Variants in GTF2F2 observed in about 807,000 individuals in gnomAD.
GTF2F2 encodes the protein ATP-dependent helicase GTF2F2.
A neutral mutation model predicts 42.2 loss-of-function variants in GTF2F2; 23 were observed. That is an observed-to-expected ratio of 0.55 (90% CI 0.39 to 0.77). The LOEUF is 0.77. Ranked by LOEUF, GTF2F2 falls within the 30% of genes least tolerant of loss-of-function variation. The pLI, the probability that GTF2F2 is intolerant of heterozygous loss-of-function variation, is 0.00. For synonymous variants in GTF2F2, 105 were observed against 100.8 expected (o/e 1.04, Z -0.25); for missense variants, 261 against 287.2 (o/e 0.91, Z 0.66).
chr13:45,264,867 T>G (rs1001205392), intron 6 of GTF2F2, among the ~76,000 whole-genome samples: 1 of 152,194 alleles, frequency 6.6e-6, no homozygotes, highest in East Asian at 1.9e-4. Flanking sequence ...ACATTTTTCA[T>G]GTTAAACTTC....
At chr13:45,175,979 T>G (rs767542801) in intron 4 of GTF2F2, among the ~76,000 whole-genome samples, 7 of 152,218 alleles carry the variant, frequency 4.6e-5, no homozygotes, top group Non-Finnish European at 1.0e-4. Context: ...TTCCTGTTAG[T>G]ATAGATTTTA....
intron 7 of GTF2F2, among the ~76,000 whole-genome samples, chr13:45,271,260 C>T (rs1469026282): frequency 1.3e-5 from 2 of 151,134 alleles, no homozygotes; most frequent in African/African-American, 2.4e-5. Flanking sequence ...CACTGCACTC[C>T]AGCCTGAGCG....
At chr13:45,210,536 T>C (rs551790260) in intron 5 of GTF2F2, among the ~76,000 whole-genome samples, 1 of 152,350 alleles carries the variant, frequency 6.6e-6, no homozygotes, top group Admixed American at 6.5e-5. Flanking sequence ...AGTTTACTTA[T>C]ATTTATTGCC....
chr13:45,266,732 A>G (rs1876575908), intron 6 of GTF2F2, among the ~76,000 whole-genome samples: 1 of 152,234 alleles, frequency 6.6e-6, no homozygotes, highest in African/African-American at 2.4e-5. Context: ...GACTGGAATT[A>G]TTACTAACTT....
intron 4 of GTF2F2, chr13:45,193,845 G>A (rs764757723): frequency 2.5e-6 from 4 of 1,613,646 alleles, no homozygotes; most frequent in African/African-American, 1.3e-5. Flanking sequence ...AACAATCCAG[G>A]CTGGTCAGCA....
intron 4 of GTF2F2, 122 bp from the exon 5 acceptor site, chr13:45,207,302 A>AT (rs1873456012): frequency 7.9e-6 from 5 of 634,844 alleles, no homozygotes; most frequent in Non-Finnish European, 1.4e-5. Flanking sequence ...AAACTTAACT[A>AT]TTTTTTCTTG....
chr13:45,268,057 C>T (rs1416036368), intron 7 of GTF2F2, among the ~76,000 whole-genome samples: 1 of 152,076 alleles, frequency 6.6e-6, no homozygotes, highest in Non-Finnish European at 1.5e-5. Flanking sequence ...ATGATGATAA[C>T]AATAAGAAAT....
intron 4 of GTF2F2, among the ~76,000 whole-genome samples, chr13:45,152,172 C>T (rs1381245634): frequency 6.6e-6 from 1 of 152,188 alleles, no homozygotes; most frequent in African/African-American, 2.4e-5. Context: ...ACCTTGGCCT[C>T]CCAAAGTGCT....
intron 5 of GTF2F2, among the ~76,000 whole-genome samples, chr13:45,212,521 T>TCA (rs1873725090): frequency 8.4e-6 from 1 of 118,896 alleles, no homozygotes; most frequent in African/African-American, 3.2e-5. Context: ...TCTTTCTTTC[T>TCA]CTTTCTCTCT....
At chr13:45,206,648 A>G (rs1353307360) in intron 4 of GTF2F2, 1 of 152,198 alleles carries the variant, frequency 6.6e-6, no homozygotes, top group Non-Finnish European at 1.5e-5. Context: ...GTATTATACA[A>G]TAAGGTAAGG....
rs1301292981 is a variant in GTF2F2, at chr13:45,246,993, A to G, written c.387-5878A>G. ...GCGGAGCTTGCAGTGAGCCGAGATA[A>G]GCGCCACTGCACTCCAGCCTGGGCG... On this transcript the variant is annotated intron_variant, in intron 5 of 7. Coordinates refer to ENST00000340473, the MANE Select transcript of GTF2F2 (RefSeq NM_004128.3). Among the ~76,000 whole-genome samples the G allele has an allele frequency of 3.3e-5, 5 of 150,228 alleles. No individual in the cohort carries two copies. In the East Asian group the frequency reaches 9.9e-4, roughly 30 times the overall value.
At chr13:45,153,361 A>G (rs1870595582) in intron 4 of GTF2F2, among the ~76,000 whole-genome samples, 1 of 152,110 alleles carries the variant, frequency 6.6e-6, no homozygotes. Context: ...GCTACATAAA[A>G]TGATCTAAAA....
intron 4 of GTF2F2, chr13:45,206,381 C>T (rs1210620475): frequency 1.3e-5 from 2 of 152,162 alleles, no homozygotes; most frequent in Non-Finnish European, 2.9e-5. Flanking sequence ...TTCTTGAAAA[C>T]AGTACTGTGT....
At chr13:45,253,369 T>A (rs576470082) in intron 6 of GTF2F2, among the ~76,000 whole-genome samples, 25 of 152,296 alleles carry the variant, frequency 1.6e-4, no homozygotes, top group Non-Finnish European at 2.8e-4. Flanking sequence ...TTTAATGTGT[T>A]AAAAAATTTT....
At chr13:45,221,302 A>T (rs1593499123) in intron 5 of GTF2F2, among the ~76,000 whole-genome samples, 1 of 152,078 alleles carries the variant, frequency 6.6e-6, no homozygotes, top group Non-Finnish European at 1.5e-5. Flanking sequence ...AACACAATAC[A>T]CCCTGAATCC....
At chr13:45,223,426 G>A (rs996010452) in intron 5 of GTF2F2, among the ~76,000 whole-genome samples, 1 of 152,012 alleles carries the variant, frequency 6.6e-6, no homozygotes, top group Non-Finnish European at 1.5e-5. Flanking sequence ...AATCCTGTCG[G>A]GTACGCACAC....
intron 4 of GTF2F2, among the ~76,000 whole-genome samples, chr13:45,186,935 A>G (rs1479868884): frequency 6.6e-6 from 1 of 152,218 alleles, no homozygotes; most frequent in Non-Finnish European, 1.5e-5. Flanking sequence ...TTAAAAAGGA[A>G]TTTTCAAAAA....
At chr13:45,188,448 G>C (rs1353020075) in intron 4 of GTF2F2, among the ~76,000 whole-genome samples, 1 of 152,150 alleles carries the variant, frequency 6.6e-6, no homozygotes, top group Non-Finnish European at 1.5e-5. Flanking sequence ...TAAGTAGAAA[G>C]CCTAATTAAT....
rs759162187 is a variant in GTF2F2 at position 45,267,307 on chromosome 13, A to G, written c.561A>G (p.Leu187=). Reference sequence around the variant, plus strand: ...ATAAACAACATGTTTTAGACATGCTATTTTCAGCCTTTGAGAAACATCAAT... The same window carrying G: ...ATAAACAACATGTTTTAGACATGCTGTTTTCAGCCTTTGAGAAACATCAAT... ...RADKQHVLDM[L]FSAFEKHQYY... is the part of the protein sequence containing the mutation. The change falls in exon 7 of 8, where the codon CTA becomes CTG. Residue 187 remains leucine, a synonymous_variant. Coordinates refer to ENST00000340473, the MANE Select transcript of GTF2F2 (RefSeq NM_004128.3). 4 of 1,610,596 alleles carry G rather than the reference A, an allele frequency of 2.5e-6. No individual in the cohort carries two copies. The highest frequency in any genetic ancestry group is 4.5e-5 in the East Asian group (2 of 44,868).
Sources: gnomAD v4.1 joint callset for allele counts (sites outside exome capture counted in the v4.1 genomes callset) on GRCh38, gnomAD v4.1.1 for gene constraint, MANE v1.5 for transcripts, NCBI Gene and HGNC (gene_info 2026-07-23, HGNC 2026-07-21) for gene names.